BBX: variants seen among roughly 807,000 people sequenced by gnomAD.
BBX encodes the protein HMG box transcription factor BBX.
A neutral mutation model predicts 100.2 loss-of-function variants in BBX; 30 were observed. The ratio of observed to expected loss-of-function variants is 0.30; its 90% CI spans 0.22 to 0.41. The LOEUF is 0.41. Among genes scored for constraint, BBX ranks in the 10% least tolerant of loss-of-function variants. The pLI is 1.00. For missense variants in BBX, 1,023 were observed against 1,129.8 expected, an observed-to-expected ratio of 0.91 and a Z score of 1.35; for synonymous variants, 376 against 388.1, an observed-to-expected ratio of 0.97 and a Z score of 0.37.
At chr3:107,731,942 A>G (rs1484319713) in intron 6 of BBX, among the ~76,000 whole-genome samples, 3 of 152,184 alleles carry the variant, frequency 2.0e-5, no homozygotes, top group Non-Finnish European at 4.4e-5. Flanking sequence ...CGAGTTAGGC[A>G]TTTTTACATA....
rs764643406 is a variant in BBX, at chr3:107,773,529, T to C, written c.1808T>C (p.Ile603Thr). Reference protein sequence around the residue: ...KPEDSDCHRKIETCGSRKSER... With the variant: ...KPEDSDCHRKTETCGSRKSER... ...GAGGACAGTGACTGTCACAGAAAAA[T>C]AGAAACTTGTGGTTCCAGGAAATCC... The change falls in exon 11 of 18, where the codon ATA becomes ACA. Residue 603 changes from isoleucine to threonine, a missense_variant. Transcript: ENST00000325805. The surrounding 1 kb of genome is among the most constrained non-coding windows in gnomAD (Gnocchi z 4.1). 1 of 1,613,952 alleles carries C rather than the reference T, an allele frequency of 6.2e-7. No homozygotes were observed.
intron 10 of BBX, among the ~76,000 whole-genome samples, chr3:107,764,128 G>A (rs2066164237): frequency 6.6e-6 from 1 of 152,114 alleles, no homozygotes; most frequent in African/African-American, 2.4e-5. Flanking sequence ...GAGTAGTTAG[G>A]ATTACAGGCG....
At chr3:107,629,156 G>T (rs946352830) in intron 2 of BBX, among the ~76,000 whole-genome samples, 1 of 152,074 alleles carries the variant, frequency 6.6e-6, no homozygotes, top group Non-Finnish European at 1.5e-5. Context: ...GATTTGAGTA[G>T]CTAAGTTCTC....
chr3:107,690,801 C>T (rs1481250540), intron 3 of BBX, among the ~76,000 whole-genome samples: 2 of 144,376 alleles, frequency 1.4e-5, no homozygotes, highest in African/African-American at 5.2e-5. Context: ...TTACAACATT[C>T]TTGTACTGTG....
intron 2 of BBX, among the ~76,000 whole-genome samples, chr3:107,533,200 A>G (rs1474695135): frequency 6.6e-6 from 1 of 152,192 alleles, no homozygotes; most frequent in Non-Finnish European, 1.5e-5. Flanking sequence ...TTTAAACCCC[A>G]CAAAAATCTG....
At chr3:107,587,046 C>T (rs774787970) in intron 2 of BBX, among the ~76,000 whole-genome samples, 11 of 152,090 alleles carry the variant, frequency 7.2e-5, no homozygotes, top group African/African-American at 2.4e-4. Context: ...CCACTCACTG[C>T]GCCTGGCCGA....
At chr3:107,688,209 T>A (rs1387248668) in intron 3 of BBX, among the ~76,000 whole-genome samples, 15 of 152,356 alleles carry the variant, frequency 9.8e-5, no homozygotes, top group African/African-American at 3.1e-4. Context: ...AGCCAGTTCT[T>A]CTAGGTCAAT....
At chr3:107,621,565 C>G (rs1010483007) in intron 2 of BBX, among the ~76,000 whole-genome samples, 5 of 152,160 alleles carry the variant, frequency 3.3e-5, no homozygotes, top group African/African-American at 1.2e-4. Context: ...GAATTATTAA[C>G]ATTGGAATGG....
intron 10 of BBX, among the ~76,000 whole-genome samples, chr3:107,758,985 T>G (rs2065694012): frequency 6.6e-6 from 1 of 152,148 alleles, no homozygotes; most frequent in African/African-American, 2.4e-5. Context: ...GGGTTGTTGC[T>G]TCCAACAAAT....
chr3:107,653,585 A>G (rs1304632967), intron 3 of BBX, among the ~76,000 whole-genome samples: 1 of 152,198 alleles, frequency 6.6e-6, no homozygotes, highest in Non-Finnish European at 1.5e-5. Context: ...AACCTGCTTA[A>G]TTTGCAGTTG....
intron 2 of BBX, among the ~76,000 whole-genome samples, chr3:107,561,057 G>C (rs1010126141): frequency 6.6e-6 from 1 of 152,124 alleles, no homozygotes; most frequent in Admixed American, 6.6e-5. Flanking sequence ...TCTCATAGTC[G>C]TGACAATCAA....
At chr3:107,735,972 TTTTG>T (rs1311538674) in intron 7 of BBX, among the ~76,000 whole-genome samples, 1 of 152,108 alleles carries the variant, frequency 6.6e-6, no homozygotes, top group African/African-American at 2.4e-5. Context: ...TGATAGTTTG[TTTTG>T]TTTATTTTAT....
chr3:107,749,313 T>C (rs2064877159), intron 9 of BBX, among the ~76,000 whole-genome samples: 2 of 152,258 alleles, frequency 1.3e-5, no homozygotes, highest in Non-Finnish European at 2.9e-5. Flanking sequence ...TTGATGCCCA[T>C]TGATTCTTCA....
intron 3 of BBX, among the ~76,000 whole-genome samples, chr3:107,699,322 G>A (rs993150626): frequency 2.6e-5 from 4 of 151,822 alleles, no homozygotes; most frequent in African/African-American, 4.9e-5. Flanking sequence ...GGCAAGCTCC[G>A]GGTGATGGCA....
At chr3:107,578,422 G>C (rs1466706275) in intron 2 of BBX, among the ~76,000 whole-genome samples, 1 of 152,192 alleles carries the variant, frequency 6.6e-6, no homozygotes, top group African/African-American at 2.4e-5. Context: ...CTGAAAGATA[G>C]AGTGAGGTTG....
chr3:107,584,140 ATT>A (rs1491158128), intron 2 of BBX, among the ~76,000 whole-genome samples: 9 of 18,992 alleles, frequency 4.7e-4, no homozygotes, highest in East Asian at 2.7e-3. Flanking sequence ...TATTATATAT[ATT>A]ATATATAATA....
At chr3:107,725,896 A>G (rs2062892656) in intron 5 of BBX, among the ~76,000 whole-genome samples, 1 of 152,064 alleles carries the variant, frequency 6.6e-6, no homozygotes, top group Admixed American at 6.6e-5. Flanking sequence ...GAAAATCAGT[A>G]TTTTTAACAA....
At chr3:107,605,922 T>C in intron 2 of BBX, among the ~76,000 whole-genome samples, 1 of 152,220 alleles carries the variant, frequency 6.6e-6, no homozygotes, top group East Asian at 1.9e-4. Flanking sequence ...TCCCCAAGCT[T>C]TGCTGTTGGA....
At chr3:107,588,016 G>GT (rs2052996360) in intron 2 of BBX, among the ~76,000 whole-genome samples, 1 of 152,172 alleles carries the variant, frequency 6.6e-6, no homozygotes, top group Non-Finnish European at 1.5e-5. Context: ...TTAACAATAC[G>GT]TATCACTGAC....
Sources: allele counts gnomAD v4.1 joint callset (sites outside exome capture counted in the v4.1 genomes callset), GRCh38; gene constraint gnomAD v4.1.1; non-coding constraint Gnocchi (gnomAD v3.1); transcripts MANE v1.5; gene names NCBI Gene and HGNC (gene_info 2026-07-23, HGNC 2026-07-21).